ERAP2: variants seen among roughly 807,000 people sequenced by gnomAD.
ERAP2 encodes the protein endoplasmic reticulum aminopeptidase 2, also known as leukocyte-derived arginine aminopeptidase.
In ERAP2, 118 loss-of-function variants were observed where a neutral mutation model predicts 111.1. That is an observed-to-expected ratio of 1.06 (90% confidence interval 0.92 to 1.24). ERAP2 has a LOEUF of 1.24. ERAP2 is among the 50% of genes most tolerant of loss of function. The pLI is 0.00. For missense variants in ERAP2, 1,131 were observed against 1,125.8 expected (o/e 1.00, Z -0.07); for synonymous variants, 410 against 401.2 (o/e 1.02, Z -0.26).
At chr5:96,877,675 G>A (rs762314213) in intron 1 of ERAP2, among the ~76,000 whole-genome samples, 2 of 152,168 alleles carry the variant, frequency 1.3e-5, no homozygotes, top group Admixed American at 6.5e-5. Context: ...TGGAATTAGC[G>A]TTGGAATCTG....
At chr5:96,915,095 C>T (rs894711185) in intron 17 of ERAP2, among the ~76,000 whole-genome samples, 1 of 152,038 alleles carries the variant, frequency 6.6e-6, no homozygotes, top group Non-Finnish European at 1.5e-5. Context: ...GCAACCTCCA[C>T]CTCCCGGGTT....
In ERAP2 at chr5:96,889,229, T is replaced by C; in HGVS notation, c.894T>C (p.Tyr298=). 2 of 1,614,158 alleles carry C rather than the reference T, an allele frequency of 1.2e-6. No homozygotes were observed. Among genetic ancestry groups the C allele is most frequent in the Non-Finnish European group, 1.7e-6 (2 of 1,179,976 alleles). The change falls in exon 5 of 19, where the codon TAT becomes TAC. Residue 298 remains tyrosine, a synonymous_variant. Transcript: ENST00000437043. ...CAGACAAACGGAATCAAACACATTATGCTTTGCAGGCATCACTGAAGCTAC... is the reference window on the plus strand; with the variant it reads ...CAGACAAACGGAATCAAACACATTACGCTTTGCAGGCATCACTGAAGCTAC... ...ASPDKRNQTH[Y]ALQASLKLLD...
Position 96,913,511 on chromosome 5 carries a change from C to T in ERAP2, c.2657+54C>T. On this transcript the variant is annotated intron_variant, in intron 17 of 18. Coordinates refer to ENST00000437043, the MANE Select transcript of ERAP2 (RefSeq NM_022350.5). ...TTCTTCCATGCAGATGTCTCAGTTG[C>T]CTCAAACCAAGTGTAATCAAATGTT... 3.8e-6 allele frequency: 6 copies of T among 1,584,276 alleles called. No homozygotes were observed. In the South Asian group the frequency reaches 6.7e-5, roughly 18 times the overall value.
intron 6 of ERAP2, among the ~76,000 whole-genome samples, chr5:96,893,763 CAA>C (rs1488348840): frequency 2.0e-5 from 3 of 152,192 alleles, no homozygotes; most frequent in Non-Finnish European, 4.4e-5. Flanking sequence ...ATAACCCTGG[CAA>C]AGATTTCCTC....
intron 13 of ERAP2, among the ~76,000 whole-genome samples, 176 bp downstream of exon 13, chr5:96,903,736 G>A (rs1785738361): frequency 6.6e-6 from 1 of 151,354 alleles, no homozygotes; most frequent in African/African-American, 2.4e-5. Flanking sequence ...GACCCACACA[G>A]TGTTTATAAT....
In ERAP2 at chr5:96,896,797, T is replaced by A. The variant is rs769662087; in HGVS notation, c.1437T>A (p.Ile479=). 150 of 1,605,854 alleles carry A rather than the reference T, an allele frequency of 9.3e-5. No homozygotes were observed. Among genetic ancestry groups the A allele is most frequent in the Non-Finnish European group, 1.2e-4 (142 of 1,177,586 alleles). ...AGGAGAAATTCCAGAAAGGAATAAT[T>A]CAGTACTTAAAGAAGTTCAGCTATA... ...LGEEKFQKGI[I]QYLKKFSYRN... is the part of the protein sequence containing the mutation. Residue 479 remains isoleucine, a synonymous_variant, in exon 9 of 19, where the codon ATT becomes ATA. Coordinates refer to ENST00000437043, the MANE Select transcript of ERAP2 (RefSeq NM_022350.5).
intron 7 of ERAP2, among the ~76,000 whole-genome samples, chr5:96,896,127 G>A (rs1581845986): frequency 6.6e-6 from 1 of 152,018 alleles, no homozygotes; most frequent in Admixed American, 6.6e-5. Flanking sequence ...TCAAGGGCTG[G>A]TACATGATAA....
intron 18 of ERAP2, 31 bp downstream of exon 18, chr5:96,915,800 A>G (rs1338923465): frequency 1.3e-6 from 2 of 1,483,676 alleles, no homozygotes; most frequent in East Asian, 2.3e-5. Context: ...AACAATTTCA[A>G]AATAAATGTT....
At chr5:96,897,167 A>G (rs912198946) in intron 9 of ERAP2, among the ~76,000 whole-genome samples, 13 of 152,196 alleles carry the variant, frequency 8.5e-5, no homozygotes, top group African/African-American at 3.1e-4. Flanking sequence ...TTTCTACCAT[A>G]TAACACCTAA....
At chr5:96,889,560 A>G (rs1223952942) in intron 5 of ERAP2, 2 of 682,104 alleles carry the variant, frequency 2.9e-6, no homozygotes, top group Non-Finnish European at 5.2e-6. Context: ...ACTCTTTCCC[A>G]GGCTGATCAG....
In ERAP2 at chr5:96,892,343, T is replaced by C. The variant is rs1334661678; in HGVS notation, c.1015T>C (p.Trp339Arg). The C allele has an allele frequency of 1.9e-6, 3 of 1,613,898 alleles. No individual in the cohort carries two copies. Among genetic ancestry groups the C allele is most frequent in the African/African-American group, 1.3e-5 (1 of 74,908 alleles). Residue 339 changes from tryptophan to arginine, a missense_variant, in exon 6 of 19, where the codon TGG (tryptophan) becomes CGG (arginine). Trp to Arg is a moderately radical substitution (Grantham distance 101). Around this residue, in one of 3 missense-constraint regions of ERAP2, gnomAD observed 847 missense variants for 856.5 expected, o/e 0.99. Coordinates refer to ENST00000437043, the MANE Select transcript of ERAP2 (RefSeq NM_022350.5). ...PDFAPGAMEN[W>R]GLITYRETSL... is the part of the protein sequence containing the mutation. ...CTTTGCACCTGGAGCCATGGAAAAT[T>C]GGGGCCTCATTACATATAGGGAGAC...
intron 9 of ERAP2, among the ~76,000 whole-genome samples, chr5:96,899,877 C>A (rs1785266214): frequency 6.6e-6 from 1 of 152,158 alleles, no homozygotes; most frequent in Non-Finnish European, 1.5e-5. Flanking sequence ...CGGTTAATGA[C>A]TTTATTGAAC....
rs773995844 is a variant in ERAP2 at position 96,909,585 on chromosome 5, C to A, written c.2175C>A (p.Tyr725Ter). ...CCATCTCATATTTTCTGCAGCGTTA[C>A]CTTCTTCAGTATTTTAAGCCAGTGA... ...ISDISENLKR[Y>*]LLQYFKPVID... Residue 725 changes from tyrosine to a stop codon, truncating the protein, a stop_gained, in exon 15 of 19, where the codon TAC (tyrosine) becomes TAA (stop). Transcript: ENST00000437043. LOFTEE classifies it high-confidence loss of function. 1 of 1,613,646 alleles carries A rather than the reference C, an allele frequency of 6.2e-7. No homozygotes were observed. The highest frequency in any genetic ancestry group is 1.3e-5 in the African/African-American group (1 of 75,000).
intron 5 of ERAP2, 39 bp from the exon 6 acceptor site, chr5:96,892,260 G>A (rs1016022484): frequency 6.2e-7 from 1 of 1,605,328 alleles, no homozygotes. Flanking sequence ...TCTGGTGTGG[G>A]AGCCATAAAA....
Position 96,892,433 on chromosome 5 carries a change from G to A in ERAP2, c.1105G>A (p.Ala369Thr). The change falls in exon 6 of 19, where the codon GCC becomes ACC. Residue 369 changes from alanine (A) to threonine (T), a missense_variant. Transcript: ENST00000437043. Reference protein sequence around the residue: ...SDKLWVTRVIAHELAHQWFGN... With the variant: ...SDKLWVTRVITHELAHQWFGN... ...TAAACTGTGGGTCACCAGAGTCATA[G>A]CCCATGAACTGGCGCACCAGGTACT... 1.9e-6 allele frequency: 3 copies of A among 1,613,976 alleles called. No individual in the cohort carries two copies. Among genetic ancestry groups the A allele is most frequent in the Non-Finnish European group, 2.5e-6 (3 of 1,179,912 alleles).
Position 96,901,543 on chromosome 5 carries a change from T to A in ERAP2, c.1610T>A (p.Met537Lys). The A allele has an allele frequency of 1.2e-6, 2 of 1,613,998 alleles. No individual in the cohort carries two copies. Among genetic ancestry groups the A allele is most frequent in the Non-Finnish European group, 8.5e-7 (1 of 1,179,908 alleles). Residue 537 changes from methionine to lysine, a missense_variant, in exon 11 of 19, where the codon ATG becomes AAG. Around this residue, in one of 3 missense-constraint regions of ERAP2, gnomAD observed 847 missense variants for 856.5 expected, o/e 0.99. Coordinates refer to ENST00000437043, the MANE Select transcript of ERAP2 (RefSeq NM_022350.5). ...GGGGAAAATGCAGAGGTCAAAGAGA[T>A]GATGACTACATGGACTCTCCAGAAA... is the stretch of plus-strand genomic sequence containing the variant. ...FLGENAEVKEMMTTWTLQKGI... is the reference protein window; with the variant it reads ...FLGENAEVKEKMTTWTLQKGI...
intron 5 of ERAP2, among the ~76,000 whole-genome samples, chr5:96,891,524 T>C (rs1204334100): frequency 6.3e-5 from 2 of 31,836 alleles, no homozygotes; most frequent in African/African-American, 1.3e-4. Flanking sequence ...TATGCCCATA[T>C]ACGGTATATA....
rs538059179 is a variant in ERAP2, at chr5:96,914,342, C to T, written c.2657+885C>T. ...AGTTCCTTCTCTTTCATTTCATAGC[C>T]GTGGAAGGTTTAGAGTCCTCACACA... is the stretch of plus-strand genomic sequence containing the variant. On this transcript the variant is annotated intron_variant, in intron 17 of 18. Transcript: ENST00000437043. 9.9e-5 allele frequency among the ~76,000 whole-genome samples: 15 copies of T among 152,258 alleles called. 1 individual carries two copies. In the South Asian group the frequency reaches 1.0e-3, roughly 11 times the overall value.
At position 96,917,504 on chromosome 5, in the gene ERAP2, C is replaced by G; in HGVS notation, c.2782C>G (p.Leu928Val). 2 of 1,613,556 alleles carry G rather than the reference C, an allele frequency of 1.2e-6. No individual in the cohort carries two copies. The highest frequency in any genetic ancestry group is 2.2e-5 in the East Asian group (1 of 44,850). The change falls in exon 19 of 19, where the codon CTG becomes GTG. Residue 928 changes from leucine to valine, a missense_variant. Physicochemically the swap from Leu to Val is conservative, Grantham distance 32. Transcript: ENST00000437043. ...ATCTCTTGAGGCTCAAGGATCACAT[C>G]TGGATATTTTTCAAACTGTTCTGGA... ...FESLEAQGSH[L>V]DIFQTVLETI... is the part of the protein sequence containing the mutation.
Sources: allele counts gnomAD v4.1 joint callset (sites outside exome capture counted in the v4.1 genomes callset), GRCh38; gene constraint gnomAD v4.1.1; regional missense constraint gnomAD v4.1.1; transcripts MANE v1.5; gene names NCBI Gene and HGNC (gene_info 2026-07-23, HGNC 2026-07-21).